The following ACSBG1 variants were observed in gnomAD, a reference collection of about 807,000 sequenced individuals.
The protein encoded by ACSBG1 is acyl-CoA synthetase bubblegum family member 1.
Under a neutral mutation model 80.2 loss-of-function variants are expected in ACSBG1, and 39 were observed. The observed-to-expected ratio is 0.49, with a 90% CI of 0.38 to 0.64. The LOEUF (loss-of-function observed/expected upper bound fraction) is 0.64. ACSBG1 is among the 30% of genes least tolerant of loss of function. The pLI is 0.00. For missense variants in ACSBG1, 828 were observed against 966.4 expected (o/e 0.86, Z 1.90); for synonymous variants, 392 against 379.5 (o/e 1.03, Z -0.38).
chr15:78,222,874 A>G, intron 1 of ACSBG1, among the ~76,000 whole-genome samples: 1 of 152,214 alleles, frequency 6.6e-6, no homozygotes. Flanking sequence ...ATATCCTTGA[A>G]AAATAAGGTG....
chr15:78,174,471 C>T lies in ACSBG1; in HGVS notation c.1756G>A (p.Ala586Thr), dbSNP rs772536386. The change falls in exon 12 of 14, where the codon GCC becomes ACC. Residue 586 changes from alanine to threonine, a missense_variant. Ala to Thr is a moderately conservative substitution (Grantham distance 58). This residue lies in a region of ACSBG1 where 201 missense variants were observed against 227.0 expected (regional missense o/e 0.89). Coordinates refer to ENST00000258873, the MANE Select transcript of ACSBG1 (RefSeq NM_015162.5). The part of the protein sequence containing the change: ...ENVPPVPIEE[A>T]VKMELPIISN... The stretch of plus-strand genomic sequence containing the variant: ...ATGATGGGCAGCTCCATCTTCACGG[C>T]CTCCTCGATGGGCACAGGGGGCACA... 6.2e-7 allele frequency: 1 copy of T among 1,614,086 alleles called. No homozygotes were observed. Among genetic ancestry groups the T allele is most frequent in the Non-Finnish European group, 8.5e-7 (1 of 1,180,044 alleles).
At chr15:78,180,382 G>C (rs1049340645) in intron 9 of ACSBG1, among the ~76,000 whole-genome samples, 7 of 152,178 alleles carry the variant, frequency 4.6e-5, no homozygotes, top group African/African-American at 1.7e-4. Context: ...ATATCTGAGG[G>C]GTCACTTGGG....
chr15:78,195,077 C>T (rs2075101077), intron 2 of ACSBG1, among the ~76,000 whole-genome samples: 1 of 152,222 alleles, frequency 6.6e-6, no homozygotes, highest in Non-Finnish European at 1.5e-5. Context: ...CAGGTGCCTT[C>T]AGGGTATCTG....
chr15:78,194,119 C>T, intron 3 of ACSBG1, 99 bp from the exon 4 acceptor site: 2 of 1,179,174 alleles, frequency 1.7e-6, no homozygotes, highest in Middle Eastern at 2.2e-4. Context: ...GACCTGCAGG[C>T]TCCACCCTCC....
chr15:78,231,096 G>A (rs757437341), intron 1 of ACSBG1, among the ~76,000 whole-genome samples: 1 of 152,146 alleles, frequency 6.6e-6, no homozygotes, highest in Non-Finnish European at 1.5e-5. Context: ...TGGGACCACA[G>A]GTATGTGCCA....
intron 1 of ACSBG1, among the ~76,000 whole-genome samples, chr15:78,227,290 AT>A: frequency 6.6e-6 from 1 of 151,808 alleles, no homozygotes; most frequent in Non-Finnish European, 1.5e-5. Flanking sequence ...CTGGGAAAAA[AT>A]ATTTCCAATA....
intron 5 of ACSBG1, among the ~76,000 whole-genome samples, chr15:78,183,104 G>A (rs1264314588): frequency 1.3e-5 from 2 of 152,224 alleles, no homozygotes; most frequent in African/African-American, 4.8e-5. Flanking sequence ...AGGAGAAAGA[G>A]GGAGAGGAGC....
At chr15:78,193,430 G>A in intron 5 of ACSBG1, 76 bp downstream of exon 5, 4 of 1,541,514 alleles carry the variant, frequency 2.6e-6, no homozygotes, top group Non-Finnish European at 3.5e-6. Context: ...GGGCGGGAAG[G>A]TTCCGTGTGA....
intron 2 of ACSBG1, among the ~76,000 whole-genome samples, chr15:78,202,000 G>T (rs2075172958): frequency 6.6e-6 from 1 of 152,146 alleles, no homozygotes; most frequent in Admixed American, 6.5e-5. Context: ...GAAGCCACTT[G>T]CAGAGATCAG....
intron 1 of ACSBG1, among the ~76,000 whole-genome samples, chr15:78,218,956 C>T (rs190978421): frequency 2.4e-3 from 372 of 151,944 alleles, no homozygotes; most frequent in Non-Finnish European, 4.1e-3. Flanking sequence ...GGATCACAGG[C>T]GCCCACCACC....
chr15:78,175,179 G>T (rs2074870691), intron 11 of ACSBG1, among the ~76,000 whole-genome samples: 1 of 152,206 alleles, frequency 6.6e-6, no homozygotes, highest in South Asian at 2.1e-4. Context: ...CCAACAGACT[G>T]CCAGGCACTC....
At chr15:78,206,120 C>A (rs190028722) in intron 2 of ACSBG1, among the ~76,000 whole-genome samples, 1 of 152,214 alleles carries the variant, frequency 6.6e-6, no homozygotes, top group Non-Finnish European at 1.5e-5. Context: ...CTTAGCACTG[C>A]CCTGGGAAGC....
intron 3 of ACSBG1, among the ~76,000 whole-genome samples, 187 bp downstream of exon 3, chr15:78,194,319 G>A (rs1006336780): frequency 2.6e-5 from 4 of 152,256 alleles, no homozygotes; most frequent in African/African-American, 9.6e-5. Context: ...CATGGTAGGG[G>A]CTCAGCAAAT....
chr15:78,206,004 T>A (rs1239247139), intron 2 of ACSBG1, among the ~76,000 whole-genome samples: 1 of 152,102 alleles, frequency 6.6e-6, no homozygotes, highest in Non-Finnish European at 1.5e-5. Context: ...ACCCACGCTG[T>A]AGCGCAGAGG....
Position 78,180,907 on chromosome 15 carries a change from C to T in ACSBG1, c.1101G>A (p.Val367=). The part of the protein sequence containing the change: ...KGSLVNTLRE[V]EPTSHMGVPR... ...GCACCCCCATGTGTGATGTGGGCTC[C>T]ACCTCCCGCAGCGTGTTCACCAGGC... The change falls in exon 9 of 14, where the codon GTG becomes GTA. Residue 367 remains valine, a synonymous_variant. Transcript: ENST00000258873. 6.2e-7 allele frequency: 1 copy of T among 1,614,174 alleles called. No homozygotes were observed.
chr15:78,180,692 G>T, intron 9 of ACSBG1, 63 bp downstream of exon 9: 2 of 1,563,982 alleles, frequency 1.3e-6, no homozygotes, highest in Non-Finnish European at 1.7e-6. Context: ...GACCCTCACT[G>T]TGTTTTGGGT....
At position 78,178,889 on chromosome 15, in the gene ACSBG1, C is replaced by G. The variant is rs749696772; in HGVS notation, c.1485-58G>C. 48 of 1,522,056 alleles carry G rather than the reference C, an allele frequency of 3.2e-5. No homozygotes were observed. The highest frequency in any genetic ancestry group is 4.1e-5 in the Non-Finnish European group (47 of 1,135,618). The allele number at this position is 1,522,056 out of a possible 1,614,324, so 94.3% of individuals were successfully genotyped here. ...GGGAGCCGTCTCCTCCAAGCCCCCA[C>G]TGGGGAGCCGGGGTCCCAACTGCTC... On this transcript the variant is annotated intron_variant, in intron 10 of 13. Coordinates refer to ENST00000258873, the MANE Select transcript of ACSBG1 (RefSeq NM_015162.5). This position sits in a 1 kb window ranked among gnomAD's most constrained non-coding sequence, Gnocchi z 4.3.
rs1595889579 is a variant in ACSBG1, at chr15:78,194,783, G to GC, written c.233-58dup. The GC allele has an allele frequency of 2.6e-6, 4 of 1,550,986 alleles. No individual in the cohort carries two copies. In the East Asian group the frequency reaches 9.0e-5, roughly 35 times the overall value. Reference sequence around the variant, plus strand: ...ATGCCAGCCTGGGGACACTTGTCCTGCCCTGGGCAGAGCTCGCAGCCCGTC... The same window carrying GC: ...ATGCCAGCCTGGGGACACTTGTCCTGCCCCTGGGCAGAGCTCGCAGCCCGTC... On this transcript the variant is annotated intron_variant, in intron 2 of 13. Coordinates refer to ENST00000258873, the MANE Select transcript of ACSBG1 (RefSeq NM_015162.5).
Position 78,169,083 on chromosome 15 carries a change from T to G in ACSBG1, c.*2361A>C. The G allele has an allele frequency of 1.2e-6, 1 of 824,212 alleles. No individual in the cohort carries two copies. The highest frequency in any genetic ancestry group is 1.7e-5 in the African/African-American group (1 of 59,130). 51.1% of individuals were successfully genotyped at this position (824,212 alleles called of 1,614,324 possible). The stretch of plus-strand genomic sequence containing the variant: ...CCTCTGTTTAGAATACCTACGTATG[T>G]ATGCATTGGTTTGCTTGTTTCTTGA... On this transcript the variant is annotated 3_prime_UTR_variant, in exon 14 of 14. Coordinates refer to ENST00000258873, the MANE Select transcript of ACSBG1 (RefSeq NM_015162.5).
Sources: allele counts gnomAD v4.1 joint callset (sites outside exome capture counted in the v4.1 genomes callset), GRCh38; gene constraint gnomAD v4.1.1; regional missense constraint gnomAD v4.1.1; non-coding constraint Gnocchi (gnomAD v3.1); transcripts MANE v1.5; gene names NCBI Gene and HGNC (gene_info 2026-07-23, HGNC 2026-07-21).